PGBD5: variants seen among roughly 807,000 people sequenced by gnomAD.
The protein encoded by PGBD5 is piggyBac transposable element derived 5.
A neutral mutation model predicts 47.9 loss-of-function variants in PGBD5; 14 were observed. The observed-to-expected ratio is 0.29, with a 90% CI of 0.19 to 0.46. PGBD5 has a LOEUF of 0.46. Ranked by LOEUF, PGBD5 falls within the 20% of genes least tolerant of loss-of-function variation. PGBD5 has a pLI of 1.00. For synonymous variants in PGBD5, 316 were observed against 306.3 expected (o/e 1.03, Z -0.33); for missense variants, 635 against 716.0 (o/e 0.89, Z 1.29).
rs376716982 is a variant in PGBD5, at chr1:230,357,312, C to A, written c.341G>T (p.Arg114Leu). ...PRFEDTGGPT[R>L]KMPPSASAVD... is the part of the protein sequence containing the mutation. Reference sequence around the variant, plus strand: ...GGCACTGGCGCTGGGGGGCATCTTTCGGGTGGGACCTGAAACCCAAAGACA... The same window carrying A: ...GGCACTGGCGCTGGGGGGCATCTTTAGGGTGGGACCTGAAACCCAAAGACA... Residue 114 changes from arginine (R) to leucine (L), a missense_variant, in exon 2 of 7, where the codon CGA becomes CTA. By Grantham distance (102) the Arg-to-Leu change is moderately radical. Transcript: ENST00000391860. The surrounding 1 kb of genome is among the most constrained non-coding windows in gnomAD (Gnocchi z 5.7). The A allele has an allele frequency of 2.5e-6, 4 of 1,612,882 alleles. No homozygotes were observed. The African/African-American group carries it at 5.3e-5, about 22-fold the overall frequency.
At chr1:230,383,325 C>T (rs1451661121) in intron 1 of PGBD5, among the ~76,000 whole-genome samples, 1 of 151,772 alleles carries the variant, frequency 6.6e-6, no homozygotes, top group Non-Finnish European at 1.5e-5. Context: ...CCACCCACCT[C>T]AGCTTCCCAA....
At chr1:230,405,940 A>C (rs1396820775) in intron 1 of PGBD5, among the ~76,000 whole-genome samples, 1 of 152,244 alleles carries the variant, frequency 6.6e-6, no homozygotes, top group Non-Finnish European at 1.5e-5. Context: ...AATTAATGCC[A>C]CAGTATTTAC....
rs914924956 is a variant in PGBD5, at chr1:230,357,088, A to T, written c.565T>A (p.Trp189Arg). The T allele has an allele frequency of 6.2e-7, 1 of 1,614,196 alleles. No homozygotes were observed. Among genetic ancestry groups the T allele is most frequent in the Non-Finnish European group, 8.5e-7 (1 of 1,180,030 alleles). ...ISHCESVLSI[W>R]SGGFYSNRSL... The stretch of plus-strand genomic sequence containing the variant: ...CGGTTGCTGTAGAAGCCTCCGCTCC[A>T]GATGCTGAGGACGGACTCGCAGTGG... Residue 189 changes from tryptophan (W) to arginine (R), a missense_variant, in exon 2 of 7, where the codon TGG (tryptophan) becomes AGG (arginine). Coordinates refer to ENST00000391860, the MANE Select transcript of PGBD5 (RefSeq NM_001258311.2). This position sits in a 1 kb window ranked among gnomAD's most constrained non-coding sequence, Gnocchi z 5.7.
intron 1 of PGBD5, among the ~76,000 whole-genome samples, chr1:230,413,103 T>C (rs1213419660): frequency 6.6e-6 from 1 of 152,128 alleles, no homozygotes; most frequent in Non-Finnish European, 1.5e-5. Flanking sequence ...GGTACATTGT[T>C]TTGCTTAAAG....
rs115856052 is a variant in PGBD5, at chr1:230,356,099, C to T, written c.759+795G>A. ...ATATACATAAAATTGAACTGAACTT[C>T]TGTTGCCACACAGACCAAGTCAAAG... On this transcript the variant is annotated intron_variant, in intron 2 of 6. Coordinates refer to ENST00000391860, the MANE Select transcript of PGBD5 (RefSeq NM_001258311.2). Among the ~76,000 whole-genome samples, 847 of 152,328 alleles carry T rather than the reference C, an allele frequency of 5.6e-3. 8 individuals carry two copies. The highest frequency in any genetic ancestry group is 0.02 in the African/African-American group (813 of 41,560).
chr1:230,378,643 C>T (rs958032949), intron 1 of PGBD5, among the ~76,000 whole-genome samples: 12 of 152,212 alleles, frequency 7.9e-5, no homozygotes, highest in African/African-American at 2.9e-4. Context: ...TCTCTGTAAA[C>T]CCTGCAAGGA....
At chr1:230,333,347 G>A (rs1667253243) in intron 4 of PGBD5, among the ~76,000 whole-genome samples, 1 of 152,164 alleles carries the variant, frequency 6.6e-6, no homozygotes, top group Admixed American at 6.5e-5. Flanking sequence ...CTGTCACCTG[G>A]ACCCTCACTT....
Position 230,425,849 on chromosome 1 carries a change from TGCAGGCTCTCGTA to T in PGBD5, c.67_79del (p.Tyr23ThrfsTer136). 1 of 1,199,616 alleles carries T rather than the reference TGCAGGCTCTCGTA, an allele frequency of 8.3e-7. No homozygotes were observed. Among genetic ancestry groups the T allele is most frequent in the Non-Finnish European group, 1.0e-6 (1 of 967,904 alleles). 74.3% of individuals were successfully genotyped at this position (1,199,616 alleles called of 1,614,324 possible). On this transcript the variant is annotated frameshift_variant, in exon 1 of 7. Transcript: ENST00000391860. LOFTEE classifies it high-confidence loss of function. The surrounding 1 kb of genome is among the most constrained non-coding windows in gnomAD (Gnocchi z 4.7). Reference sequence around the variant, plus strand: ...CTCGCCGAACACGTCGTCCGAGATGTGCAGGCTCTCGTAGCGCGCGCGGGCAGCCTCGAGCAGC... The same window carrying T: ...CTCGCCGAACACGTCGTCCGAGATGTGCGCGCGCGGGCAGCCTCGAGCAGC...
chr1:230,377,655 T>C (rs369189597), intron 1 of PGBD5: 1 of 1,465,234 alleles, frequency 6.8e-7, no homozygotes, highest in Non-Finnish European at 9.0e-7. Flanking sequence ...CTGGTCAAGG[T>C]ACATAATCCC....
chr1:230,419,422 G>T (rs900055678), intron 1 of PGBD5, among the ~76,000 whole-genome samples: 2 of 138,722 alleles, frequency 1.4e-5, no homozygotes, highest in African/African-American at 5.5e-5. Flanking sequence ...GGGAGGGAGG[G>T]GAGCAAGGTG....
intron 1 of PGBD5, chr1:230,367,909 G>C: frequency 7.5e-7 from 1 of 1,334,054 alleles, no homozygotes; most frequent in Non-Finnish European, 9.9e-7. Context: ...GAATGCAGAG[G>C]CTCGGGGAAG....
At chr1:230,424,421 G>A (rs1394901969) in intron 1 of PGBD5, among the ~76,000 whole-genome samples, 1 of 152,128 alleles carries the variant, frequency 6.6e-6, no homozygotes, top group African/African-American at 2.4e-5. Flanking sequence ...TTAGCTCCGC[G>A]CATCCACACC....
At chr1:230,328,497 G>C (rs1475925140) in intron 5 of PGBD5, among the ~76,000 whole-genome samples, 1 of 152,146 alleles carries the variant, frequency 6.6e-6, no homozygotes, top group African/African-American at 2.4e-5. Context: ...TTAGCAAGAG[G>C]GAATCTGATA....
At chr1:230,328,131 C>T (rs879908205) in intron 5 of PGBD5, among the ~76,000 whole-genome samples, 53 of 152,140 alleles carry the variant, frequency 3.5e-4, no homozygotes, top group Non-Finnish European at 1.2e-4. Flanking sequence ...CCCATAGACC[C>T]GTCCCCATAG....
rs1013957268 is a variant in PGBD5 at position 230,425,073 on chromosome 1, G to A, written c.331+525C>T. ...GGACAGGGAAAGTTTCTCAGATTAA[G>A]GAGAAAACTAAGCCAAGTCAAGACG... On this transcript the variant is annotated intron_variant, in intron 1 of 6. Transcript: ENST00000391860. This position sits in a 1 kb window ranked among gnomAD's most constrained non-coding sequence, Gnocchi z 4.7. Among the ~76,000 whole-genome samples, 3 of 152,144 alleles carry A rather than the reference G, an allele frequency of 2.0e-5. No homozygotes were observed. The highest frequency in any genetic ancestry group is 3.9e-4 in the East Asian group (2 of 5,180).
rs983475427 is a variant in PGBD5, at chr1:230,315,181, T to G, written c.*8244A>C. The G allele has an allele frequency of 6.6e-6, 1 of 152,248 alleles. No homozygotes were observed. Among genetic ancestry groups the G allele is most frequent in the South Asian group, 2.1e-4 (1 of 4,822 alleles). 9.4% of individuals were successfully genotyped at this position (152,248 alleles called of 1,614,324 possible). On this transcript the variant is annotated 3_prime_UTR_variant, in exon 7 of 7. Transcript: ENST00000391860. ...CCCCAGTAGGGTCACCCCTGCCCAC[T>G]GAGAACCAGCCACCCCCTCACCCCC...
In PGBD5 at chr1:230,357,197, C is replaced by G. The variant is rs1667662991; in HGVS notation, c.456G>C (p.Arg152=). The G allele has an allele frequency of 6.2e-7, 1 of 1,614,066 alleles. No homozygotes were observed. The highest frequency in any genetic ancestry group is 1.3e-5 in the African/African-American group (1 of 74,914). Reference sequence around the variant, plus strand: ...CCACCCAGGCTCCGTCGCTCCCAAACCGCTCCTGGAACTTCTTGGCATACA... The same window carrying G: ...CCACCCAGGCTCCGTCGCTCCCAAAGCGCTCCTGGAACTTCTTGGCATACA... ...TNMYAKKFQE[R]FGSDGAWVEV... is the part of the protein sequence containing the mutation. The change falls in exon 2 of 7, where the codon CGG becomes CGC. Residue 152 remains arginine (R), a synonymous_variant. Transcript: ENST00000391860. The surrounding 1 kb of genome is among the most constrained non-coding windows in gnomAD (Gnocchi z 5.7).
intron 1 of PGBD5, among the ~76,000 whole-genome samples, chr1:230,371,367 G>C (rs537744891): frequency 6.6e-6 from 1 of 152,128 alleles, no homozygotes; most frequent in Non-Finnish European, 1.5e-5. Flanking sequence ...CCAGGCCATC[G>C]AGCCAGTTCC....
intron 1 of PGBD5, among the ~76,000 whole-genome samples, chr1:230,387,695 C>G (rs1656678275): frequency 1.3e-5 from 2 of 152,134 alleles, no homozygotes; most frequent in Admixed American, 6.5e-5. Flanking sequence ...GGTCCACAGC[C>G]CCCAGGGAAG....
Sources: allele counts gnomAD v4.1 joint callset (sites outside exome capture counted in the v4.1 genomes callset), GRCh38; gene constraint gnomAD v4.1.1; non-coding constraint Gnocchi (gnomAD v3.1); transcripts MANE v1.5; gene names NCBI Gene and HGNC (gene_info 2026-07-23, HGNC 2026-07-21).